THSD7B: variants seen among roughly 807,000 people sequenced by gnomAD.
THSD7B encodes the protein thrombospondin type 1 domain containing 7B, also known as thrombospondin type-1 domain-containing protein 7B.
A neutral mutation model predicts 213.6 loss-of-function variants in THSD7B; 138 were observed. That is an observed-to-expected ratio of 0.65 (90% CI 0.56 to 0.74). The LOEUF (loss-of-function observed/expected upper bound fraction) is 0.74, where lower values mean the gene tolerates loss of function less well. THSD7B is among the 30% of genes least tolerant of loss of function. The pLI is 0.00. For synonymous variants in THSD7B, 742 were observed against 687.0 expected (o/e 1.08, Z -1.25); for missense variants, 1,931 against 1,991.5 (o/e 0.97, Z 0.58).
chr2:137,471,676 C>T (rs1400386942), intron 15 of THSD7B, among the ~76,000 whole-genome samples: 1 of 152,078 alleles, frequency 6.6e-6, no homozygotes, highest in African/African-American at 2.4e-5. Flanking sequence ...TCACACAAGT[C>T]ATCGAAGCAA....
intron 12 of THSD7B, among the ~76,000 whole-genome samples, chr2:137,401,121 G>T: frequency 6.6e-6 from 1 of 152,134 alleles, no homozygotes; most frequent in East Asian, 1.9e-4. Context: ...CCTCAGAAAT[G>T]TTCTCTGATT....
chr2:137,164,499 A>G lies in THSD7B; in HGVS notation c.1525+4131A>G, dbSNP rs185205269. Among the ~76,000 whole-genome samples, 1,329 of 152,282 alleles carry G rather than the reference A, an allele frequency of 8.7e-3. 21 individuals are homozygous for G. The highest frequency in any genetic ancestry group is 0.03 in the African/African-American group (1,255 of 41,558). Reference sequence around the variant, plus strand: ...ATTCCTCAAGGATCTGGAGCTAGAAATACCATTTGACCCAGCCATCCCATT... The same window carrying G: ...ATTCCTCAAGGATCTGGAGCTAGAAGTACCATTTGACCCAGCCATCCCATT... On this transcript the variant is annotated intron_variant, in intron 6 of 27. Coordinates refer to ENST00000409968, the MANE Select transcript of THSD7B (RefSeq NM_001316349.2).
In THSD7B at chr2:136,906,680, T is replaced by G. The variant is rs775490052; in HGVS notation, c.139+24363T>G. ...GTTTTCTGTTTAGGAAATAAAGAAT[T>G]GACAGGTGACTCTGCATGAAGAATG... On this transcript the variant is annotated intron_variant, in intron 2 of 27. Transcript: ENST00000409968. The G allele has an allele frequency of 2.0e-4, 31 of 152,166 alleles. 1 individual carries two copies. Among genetic ancestry groups the G allele is most frequent in the Non-Finnish European group, 4.1e-4 (28 of 68,028 alleles). 9.4% of individuals were successfully genotyped at this position (152,166 alleles called of 1,614,324 possible). A position where few individuals can be genotyped will look rare whatever the true frequency, so the allele number is the denominator to read the frequency against.
chr2:137,163,444 A>T (rs1449966462), intron 6 of THSD7B, among the ~76,000 whole-genome samples: 4 of 152,200 alleles, frequency 2.6e-5, no homozygotes, highest in African/African-American at 9.6e-5. Flanking sequence ...ATACACAGAG[A>T]GGAGAGTGCC....
chr2:136,951,303 C>T (rs941144210), intron 2 of THSD7B, among the ~76,000 whole-genome samples: 42 of 152,108 alleles, frequency 2.8e-4, no homozygotes, highest in African/African-American at 1.0e-3. Context: ...GTTATCTTCC[C>T]TATTCTCTTT....
At chr2:136,933,671 A>ATCTT (rs1684670826) in intron 2 of THSD7B, among the ~76,000 whole-genome samples, 1 of 135,164 alleles carries the variant, frequency 7.4e-6, no homozygotes, top group African/African-American at 2.5e-5. Flanking sequence ...TTGCATCGCT[A>ATCTT]TCTTTTTAAT....
At position 137,202,075 on chromosome 2, in the gene THSD7B, A is replaced by C. The variant is rs9287471; in HGVS notation, c.1724-28969A>C. 2.6e-3 allele frequency among the ~76,000 whole-genome samples: 389 copies of C among 152,238 alleles called. 3 individuals carry two copies. The highest frequency in any genetic ancestry group is 9.1e-3 in the African/African-American group (378 of 41,540). ...CCCATAGTGTATTGTGTAATTTCACATTCAGAACGCTGTCTTTTGCAGAAG... is the reference window on the plus strand; with the variant it reads ...CCCATAGTGTATTGTGTAATTTCACCTTCAGAACGCTGTCTTTTGCAGAAG... On this transcript the variant is annotated intron_variant, in intron 7 of 27. Coordinates refer to ENST00000409968, the MANE Select transcript of THSD7B (RefSeq NM_001316349.2).
At chr2:137,260,688 C>G (rs1215514726) in intron 10 of THSD7B, among the ~76,000 whole-genome samples, 1 of 152,130 alleles carries the variant, frequency 6.6e-6, no homozygotes, top group Admixed American at 6.5e-5. Context: ...TTGCTTGAGC[C>G]TGGGAAGTTG....
At chr2:137,561,124 A>G (rs572631569) in intron 15 of THSD7B, among the ~76,000 whole-genome samples, 1 of 152,312 alleles carries the variant, frequency 6.6e-6, no homozygotes, top group Admixed American at 6.5e-5. Flanking sequence ...ACATCTTCCT[A>G]TACAGACATT....
intron 5 of THSD7B, among the ~76,000 whole-genome samples, chr2:137,131,054 T>G (rs900783174): frequency 3.5e-5 from 5 of 143,468 alleles, no homozygotes; most frequent in Non-Finnish European, 6.2e-5. Context: ...TTTCCTGACT[T>G]TTTAATGATC....
intron 2 of THSD7B, among the ~76,000 whole-genome samples, chr2:136,948,380 A>G (rs1029489240): frequency 1.3e-5 from 2 of 152,088 alleles, no homozygotes; most frequent in African/African-American, 2.4e-5. Flanking sequence ...CTAGTAGACA[A>G]ACTTGACTCT....
chr2:137,269,530 C>T (rs980661), intron 10 of THSD7B, among the ~76,000 whole-genome samples: 89,753 of 152,020 alleles, frequency 0.59, 27,159 homozygotes, highest in East Asian at 0.95. Flanking sequence ...GTTTTCAGTC[C>T]TTATTTACAG....
intron 4 of THSD7B, among the ~76,000 whole-genome samples, chr2:137,113,096 C>G (rs1390519247): frequency 2.0e-5 from 3 of 152,116 alleles, no homozygotes; most frequent in Admixed American, 6.5e-5. Context: ...TATCTGACCC[C>G]CTTGTTCAGG....
intron 10 of THSD7B, among the ~76,000 whole-genome samples, chr2:137,271,058 A>G (rs970914391): frequency 1.3e-5 from 2 of 152,020 alleles, no homozygotes; most frequent in East Asian, 1.9e-4. Context: ...AAATGCATAT[A>G]TAATTTTAAT....
chr2:137,172,971 C>T (rs1481345275), intron 7 of THSD7B, among the ~76,000 whole-genome samples: 1 of 152,104 alleles, frequency 6.6e-6, no homozygotes, highest in Non-Finnish European at 1.5e-5. Context: ...AGATAGGTTG[C>T]AGTTTCAACT....
chr2:137,228,958 C>T (rs1224325941), intron 7 of THSD7B, among the ~76,000 whole-genome samples: 1 of 152,142 alleles, frequency 6.6e-6, no homozygotes, highest in African/African-American at 2.4e-5. Context: ...AAAGCATACT[C>T]ATAAAAGTAC....
At chr2:137,021,074 T>C (rs1186926024) in intron 2 of THSD7B, among the ~76,000 whole-genome samples, 2 of 151,870 alleles carry the variant, frequency 1.3e-5, no homozygotes, top group East Asian at 3.9e-4. Context: ...AACTGCAGAG[T>C]TTTTCGAGTA....
intron 1 of THSD7B, among the ~76,000 whole-genome samples, chr2:136,790,343 T>G (rs755862980): frequency 1.2e-4 from 19 of 152,074 alleles, no homozygotes; most frequent in Non-Finnish European, 2.1e-4. Context: ...AATATTCAAA[T>G]AGTGCCCTGA....
chr2:137,409,170 T>C (rs1250748890), intron 13 of THSD7B, among the ~76,000 whole-genome samples: 3 of 152,226 alleles, frequency 2.0e-5, no homozygotes, highest in African/African-American at 7.2e-5. Flanking sequence ...TGATCAGATT[T>C]GTACTTTGAA....
Sources: allele counts gnomAD v4.1 joint callset (sites outside exome capture counted in the v4.1 genomes callset), GRCh38; gene constraint gnomAD v4.1.1; transcripts MANE v1.5; gene names NCBI Gene and HGNC (gene_info 2026-07-23, HGNC 2026-07-21).